The following PRADC1 variants were observed in gnomAD, a reference collection of about 807,000 sequenced individuals.
PRADC1 encodes protease associated domain containing 1, also known as protease-associated domain-containing protein 1.
PRADC1 carries 23 observed loss-of-function variants against 22.9 expected under a neutral mutation model. The ratio of observed to expected loss-of-function variants is 1.00; its 90% confidence interval spans 0.72 to 1.42. The LOEUF (loss-of-function observed/expected upper bound fraction) is 1.42, where lower values mean the gene tolerates loss of function less well. Ranked by LOEUF, PRADC1 falls within the 40% of genes most tolerant of loss-of-function variation. PRADC1 has a pLI of 0.00. For synonymous variants in PRADC1, 71 were observed against 100.3 expected (o/e 0.71, Z 1.75); for missense variants, 207 against 258.3 (o/e 0.80, Z 1.36).
intron 2 of PRADC1, 78 bp from the exon 3 acceptor site, chr2:73,229,648 C>G: frequency 9.6e-7 from 1 of 1,038,830 alleles, no homozygotes; most frequent in South Asian, 1.3e-5. Flanking sequence ...ACAATCCCAT[C>G]TTATTGGCAC....
intron 1 of PRADC1, among the ~76,000 whole-genome samples, chr2:73,232,410 A>G (rs909803314): frequency 6.6e-6 from 1 of 152,108 alleles, no homozygotes. Context: ...CCAAGTCACT[A>G]CTGTGTACCA....
At position 73,228,829 on chromosome 2, in the gene PRADC1, C is replaced by G. The variant is rs769320871; in HGVS notation, c.412G>C (p.Asp138His). The stretch of plus-strand genomic sequence containing the variant: ...CCGAGCAGGAAGAGGGCGGGGATGT[C>G]AGCTGTGCGCTGGGTACTGTCCTGG... ...MIQDSTQRTA[D>H]IPALFLLGRD... The change falls in exon 4 of 5, where the codon GAC (aspartate) becomes CAC (histidine). Residue 138 changes from aspartate to histidine, a missense_variant. By Grantham distance (81) the Asp-to-His change is moderately conservative. Coordinates refer to ENST00000258083, the MANE Select transcript of PRADC1 (RefSeq NM_032319.3). This position sits in a 1 kb window ranked among gnomAD's most constrained non-coding sequence, Gnocchi z 4.0. The G allele has an allele frequency of 6.2e-7, 1 of 1,612,916 alleles. No individual in the cohort carries two copies. The highest frequency in any genetic ancestry group is 1.1e-5 in the South Asian group (1 of 90,988).
At chr2:73,230,956 C>G (rs1574345747) in intron 1 of PRADC1, among the ~76,000 whole-genome samples, 1 of 152,186 alleles carries the variant, frequency 6.6e-6, no homozygotes, top group Admixed American at 6.5e-5. Flanking sequence ...TACTTCCACC[C>G]CTTTACCTGA....
Position 73,228,406 on chromosome 2 carries a change from C to T in PRADC1, c.*48G>A, listed in dbSNP as rs771706349. On this transcript the variant is annotated 3_prime_UTR_variant, in exon 5 of 5. Transcript: ENST00000258083. This position sits in a 1 kb window ranked among gnomAD's most constrained non-coding sequence, Gnocchi z 4.0. ...CAAGTAGCAAAATTCCTGGGTTTCC[C>T]CTTCCCAGCTCAGAGTCACTTATGG... is the stretch of plus-strand genomic sequence containing the variant. The T allele has an allele frequency of 2.5e-6, 4 of 1,609,708 alleles. No homozygotes were observed. The highest frequency in any genetic ancestry group is 2.5e-6 in the Non-Finnish European group (3 of 1,178,250).
At chr2:73,229,269 C>T (rs1219916734) in intron 3 of PRADC1, among the ~76,000 whole-genome samples, 192 bp downstream of exon 3, 2 of 152,062 alleles carry the variant, frequency 1.3e-5, no homozygotes, top group African/African-American at 4.8e-5. Flanking sequence ...AGGTGTGCAC[C>T]ACCATGCCCA....
intron 1 of PRADC1, 45 bp downstream of exon 1, chr2:73,233,049 C>G: frequency 3.9e-6 from 6 of 1,520,956 alleles, no homozygotes; most frequent in Non-Finnish European, 5.3e-6. Flanking sequence ...GCAAGCTGGA[C>G]GGCCAGCCCC....
intron 1 of PRADC1, among the ~76,000 whole-genome samples, chr2:73,230,877 C>T (rs1252963020): frequency 6.6e-6 from 1 of 152,228 alleles, no homozygotes; most frequent in East Asian, 1.9e-4. Flanking sequence ...CTTTCAGTGT[C>T]TTCACTTCTC....
chr2:73,229,002 C>G (rs761616766), intron 3 of PRADC1, 40 bp from the exon 4 acceptor site: 3 of 1,589,526 alleles, frequency 1.9e-6, no homozygotes, highest in South Asian at 1.1e-5. Context: ...AAGACAGGTC[C>G]TAGCTCCCCC....
At position 73,233,151 on chromosome 2, in the gene PRADC1, CG is replaced by C. The variant is rs1251870762; in HGVS notation, c.9del (p.Gly4AlafsTer32). Reference protein sequence around the residue: MVPGAAGWCCLVL... With the variant: MVXGAAGWCCLVL... ...ACGAGACAACACCAGCCCGCGGCGC[CG>C]GGGACCATCTCCAGGGCCGGGCCCG... On this transcript the variant is annotated frameshift_variant, in exon 1 of 5. Coordinates refer to ENST00000258083, the MANE Select transcript of PRADC1 (RefSeq NM_032319.3). LOFTEE classifies it high-confidence loss of function. The C allele has an allele frequency of 1.0e-5, 15 of 1,451,502 alleles. No individual in the cohort carries two copies. The highest frequency in any genetic ancestry group is 1.3e-5 in the Non-Finnish European group (14 of 1,115,978). The allele number at this position is 1,451,502 out of a possible 1,614,324, so 89.9% of individuals were successfully genotyped here.
intron 2 of PRADC1, chr2:73,229,859 G>A: frequency 3.4e-6 from 2 of 585,710 alleles, no homozygotes; most frequent in Non-Finnish European, 6.1e-6. Context: ...AGCTGGCAGA[G>A]GAAGCTGGTG....
intron 1 of PRADC1, 66 bp from the exon 2 acceptor site, chr2:73,230,279 A>G: frequency 1.7e-6 from 2 of 1,191,430 alleles, no homozygotes; most frequent in African/African-American, 1.5e-5. Flanking sequence ...CAGATCCCAG[A>G]CCCTGTGTCT....
rs1464217035 is a variant in PRADC1, at chr2:73,228,883, C to T, written c.358G>A (p.Asp120Asn). 10 of 1,613,534 alleles carry T rather than the reference C, an allele frequency of 6.2e-6. No individual in the cohort carries two copies. The Admixed American group carries it at 1.7e-4, about 27-fold the overall frequency. Residue 120 changes from aspartate (D) to asparagine (N), a missense_variant, in exon 4 of 5, where the codon GAC becomes AAC. Physicochemically the swap from Asp to Asn is conservative, Grantham distance 23. Transcript: ENST00000258083. This position sits in a 1 kb window ranked among gnomAD's most constrained non-coding sequence, Gnocchi z 4.0. ...RAVIISDNAVDNDSFYVEMIQ... is the reference protein window; with the variant it reads ...RAVIISDNAVNNDSFYVEMIQ... ...ATCTCCACGTAGAAGCTGTCATTGT[C>T]AACTGCGTTGTCAGAGATGATCACC...
intron 1 of PRADC1, among the ~76,000 whole-genome samples, chr2:73,231,931 A>G (rs531223257): frequency 1.3e-5 from 2 of 152,194 alleles, no homozygotes; most frequent in African/African-American, 4.8e-5. Context: ...AGACCACTAG[A>G]TTTTTCTGGG....
chr2:73,230,297 G>A, intron 1 of PRADC1, 84 bp from the exon 2 acceptor site: 1 of 1,013,378 alleles, frequency 9.9e-7, no homozygotes. Flanking sequence ...TCTTCAGCTG[G>A]GCTGGCTATA....
At chr2:73,230,831 C>T (rs1009236796) in intron 1 of PRADC1, among the ~76,000 whole-genome samples, 2 of 152,224 alleles carry the variant, frequency 1.3e-5, no homozygotes, top group African/African-American at 2.4e-5. Context: ...CTCTTCCAAC[C>T]TCATCTCCTC....
At chr2:73,232,945 C>T (rs1436155762) in intron 1 of PRADC1, 149 bp downstream of exon 1, 2 of 807,390 alleles carry the variant, frequency 2.5e-6, no homozygotes, top group South Asian at 1.9e-5. Context: ...CTTGGACCAC[C>T]ACCCACTTAT....
Position 73,228,752 on chromosome 2 carries a change from G to A in PRADC1, c.446+43C>T, listed in dbSNP as rs763261117. ...TGATTACCCCTGACCCAGTCATGGC[G>A]CCCAGCCTGGTGCTGATAAAGCCAG... On this transcript the variant is annotated intron_variant, in intron 4 of 4. Coordinates refer to ENST00000258083, the MANE Select transcript of PRADC1 (RefSeq NM_032319.3). The surrounding 1 kb of genome is among the most constrained non-coding windows in gnomAD (Gnocchi z 4.0). 16 of 1,595,076 alleles carry A rather than the reference G, an allele frequency of 1.0e-5. No homozygotes were observed. Among genetic ancestry groups the A allele is most frequent in the Admixed American group, 1.7e-5 (1 of 58,330 alleles).
intron 2 of PRADC1, 46 bp downstream of exon 2, chr2:73,230,066 GA>G (rs1686606058): frequency 7.6e-7 from 1 of 1,313,946 alleles, no homozygotes. Flanking sequence ...TCAGTGAGGG[GA>G]AGGGGGAGGT....
intron 1 of PRADC1, among the ~76,000 whole-genome samples, chr2:73,232,336 CAAAAAAAAAAAA>C (rs70965721): frequency 7.7e-6 from 1 of 129,184 alleles, no homozygotes; most frequent in Admixed American, 7.9e-5. Context: ...GACTCCGTCT[CAAAAAAAAAAAA>C]AAGAAAAAAA....
Sources: gnomAD v4.1 joint callset for allele counts (sites outside exome capture counted in the v4.1 genomes callset) on GRCh38, gnomAD v4.1.1 for gene constraint, Gnocchi (gnomAD v3.1) non-coding constraint, MANE v1.5 for transcripts, NCBI Gene and HGNC (gene_info 2026-07-23, HGNC 2026-07-21) for gene names.